The following CELF4 variants were observed in gnomAD, a reference collection of about 807,000 sequenced individuals.
CELF4 encodes CUGBP Elav-like family member 4.
Under a neutral mutation model 59.9 loss-of-function variants are expected in CELF4, and 18 were observed. The ratio of observed to expected loss-of-function variants is 0.30; its 90% CI spans 0.21 to 0.45. CELF4 has a LOEUF of 0.45. Ranked by LOEUF, CELF4 falls within the 20% of genes least tolerant of loss-of-function variation. The pLI is 1.00. For synonymous variants in CELF4, 261 were observed against 267.1 expected, an observed-to-expected ratio of 0.98 and a Z score of 0.22; for missense variants, 456 against 689.0, an observed-to-expected ratio of 0.66 and a Z score of 3.79.
intron 2 of CELF4, among the ~76,000 whole-genome samples, chr18:37,464,894 A>T (rs2099803786): frequency 6.6e-6 from 1 of 152,192 alleles, no homozygotes; most frequent in Admixed American, 6.5e-5. Context: ...TTCTCCCGGG[A>T]TAACTACTTC....
At chr18:37,496,663 T>G (rs1229716264) in intron 1 of CELF4, among the ~76,000 whole-genome samples, 4 of 152,194 alleles carry the variant, frequency 2.6e-5, no homozygotes, top group Admixed American at 2.6e-4. Context: ...GACTTTCTTT[T>G]TAAAAGAAGA....
rs530463374 is a variant in CELF4, at chr18:37,563,776, G to A, written c.286+1580C>T. ...TATTTCCATTCTGCTGTGTTTTTGT[G>A]TTACTCAACATGCCATTAACTTTAA... is the stretch of plus-strand genomic sequence containing the variant. On this transcript the variant is annotated intron_variant, in intron 1 of 12. Coordinates refer to ENST00000420428, the MANE Select transcript of CELF4 (RefSeq NM_020180.4). 7.6e-4 allele frequency among the ~76,000 whole-genome samples: 116 copies of A among 151,782 alleles called. 1 individual carries two copies. The highest frequency in any genetic ancestry group is 2.7e-3 in the Admixed American group (41 of 15,252).
At chr18:37,438,670 C>T (rs914347685) in intron 2 of CELF4, among the ~76,000 whole-genome samples, 3 of 152,270 alleles carry the variant, frequency 2.0e-5, no homozygotes, top group South Asian at 2.1e-4. Context: ...AAAAAATATA[C>T]GGGACACATC....
chr18:37,333,945 T>A (rs1286126297), intron 2 of CELF4, among the ~76,000 whole-genome samples: 3 of 152,086 alleles, frequency 2.0e-5, no homozygotes, highest in African/African-American at 7.2e-5. Flanking sequence ...AGGGCCTTGC[T>A]GGGAGGGCAC....
chr18:37,283,700 G>T (rs1367017871), intron 3 of CELF4, among the ~76,000 whole-genome samples: 1 of 151,940 alleles, frequency 6.6e-6, no homozygotes, highest in Non-Finnish European at 1.5e-5. Flanking sequence ...AGATGAGTAG[G>T]CACTGGACAT....
intron 1 of CELF4, among the ~76,000 whole-genome samples, chr18:37,536,763 T>A (rs1204157075): frequency 6.6e-6 from 1 of 151,996 alleles, no homozygotes; most frequent in Non-Finnish European, 1.5e-5. Context: ...ATCACCCCCA[T>A]CTCCCAAAGC....
chr18:37,518,180 G>A (rs1037139194), intron 1 of CELF4, among the ~76,000 whole-genome samples: 6 of 152,258 alleles, frequency 3.9e-5, no homozygotes, highest in African/African-American at 1.4e-4. Context: ...CCCTTGGGTG[G>A]CTCCTCCCTG....
rs1005102856 is a variant in CELF4 at position 37,414,910 on chromosome 18, A to AT, written c.369+70614dup. Among the ~76,000 whole-genome samples the AT allele has an allele frequency of 1.7e-4, 26 of 151,936 alleles. 3 individuals are homozygous for AT. The East Asian group carries it at 2.1e-3, about 12-fold the overall frequency. ...CACCCACCTACTCATCTATCTATCC[A>AT]TCTCCCCACTCATCCACCAGTGGAC... On this transcript the variant is annotated intron_variant, in intron 2 of 12. Coordinates refer to ENST00000420428, the MANE Select transcript of CELF4 (RefSeq NM_020180.4).
rs530420441 is a variant in CELF4 at position 37,385,883 on chromosome 18, T to G, written c.370-64002A>C. On this transcript the variant is annotated intron_variant, in intron 2 of 12. Coordinates refer to ENST00000420428, the MANE Select transcript of CELF4 (RefSeq NM_020180.4). The stretch of plus-strand genomic sequence containing the variant: ...TTTCATCAGTTAACACATTTTACCT[T>G]CATATAAGTCTGTGAAATGACAAGG... Among the ~76,000 whole-genome samples, 4 of 152,348 alleles carry G rather than the reference T, an allele frequency of 2.6e-5. No homozygotes were observed. In the East Asian group the frequency reaches 7.7e-4, roughly 29 times the overall value.
rs1319553118 is a variant in CELF4 at position 37,257,950 on chromosome 18, G to A, written c.1333+1231C>T. ...ATGAAATTCCAGGAGGAGGTCTGAC[G>A]CTTGCTGGATAGGGTTGCCAGACTT... On this transcript the variant is annotated intron_variant, in intron 11 of 12. Coordinates refer to ENST00000420428, the MANE Select transcript of CELF4 (RefSeq NM_020180.4). Among the ~76,000 whole-genome samples the A allele has an allele frequency of 3.3e-5, 5 of 152,310 alleles. No homozygotes were observed. The East Asian group carries it at 7.7e-4, about 24-fold the overall frequency.
chr18:37,374,096 C>T (rs777906330), intron 2 of CELF4, among the ~76,000 whole-genome samples: 17 of 152,120 alleles, frequency 1.1e-4, no homozygotes, highest in Non-Finnish European at 2.5e-4. Context: ...AGGTGGCTAC[C>T]CCACCGCCCA....
chr18:37,450,775 G>A (rs375890552), intron 2 of CELF4, among the ~76,000 whole-genome samples: 9 of 152,078 alleles, frequency 5.9e-5, no homozygotes, highest in South Asian at 2.1e-4. Flanking sequence ...GCAGGGCCTC[G>A]GTGGTACCTG....
intron 3 of CELF4, among the ~76,000 whole-genome samples, chr18:37,314,665 C>T (rs1468445641): frequency 3.4e-5 from 5 of 145,442 alleles, no homozygotes; most frequent in Non-Finnish European, 6.3e-5. Context: ...CCTGCCAGGG[C>T]CCCCTTCCTG....
chr18:37,554,250 C>A (rs1399097489), intron 1 of CELF4, among the ~76,000 whole-genome samples: 3 of 152,180 alleles, frequency 2.0e-5, no homozygotes, highest in African/African-American at 7.2e-5. Flanking sequence ...GTTGTGTGCA[C>A]TGGGGAGGGA....
At chr18:37,402,604 A>G (rs2099344542) in intron 2 of CELF4, among the ~76,000 whole-genome samples, 1 of 152,176 alleles carries the variant, frequency 6.6e-6, no homozygotes, top group Non-Finnish European at 1.5e-5. Flanking sequence ...TCTTTATTCC[A>G]GCAAAGAGCC....
chr18:37,500,880 C>T (rs1305835165), intron 1 of CELF4, among the ~76,000 whole-genome samples: 1 of 152,152 alleles, frequency 6.6e-6, no homozygotes, highest in East Asian at 1.9e-4. Flanking sequence ...GAATGTACCC[C>T]AGCCCCACTG....
intron 2 of CELF4, among the ~76,000 whole-genome samples, chr18:37,341,437 C>T (rs1274180041): frequency 6.6e-6 from 1 of 152,196 alleles, no homozygotes; most frequent in Non-Finnish European, 1.5e-5. Flanking sequence ...AGTATGTTCA[C>T]CTTACATGAG....
intron 2 of CELF4, among the ~76,000 whole-genome samples, chr18:37,354,261 G>A (rs1225348789): frequency 6.6e-6 from 1 of 152,114 alleles, no homozygotes; most frequent in Non-Finnish European, 1.5e-5. Context: ...GCCAAACTAA[G>A]TCTAGGTGAG....
intron 2 of CELF4, among the ~76,000 whole-genome samples, chr18:37,439,518 C>T (rs984026182): frequency 6.6e-6 from 1 of 152,150 alleles, no homozygotes; most frequent in African/African-American, 2.4e-5. Context: ...TCCAAATGAC[C>T]TTATTTCCTC....
Sources: allele counts gnomAD v4.1 joint callset (sites outside exome capture counted in the v4.1 genomes callset), GRCh38; gene constraint gnomAD v4.1.1; transcripts MANE v1.5; gene names NCBI Gene and HGNC (gene_info 2026-07-23, HGNC 2026-07-21).